Variants in FAM13A observed in about 807,000 individuals in gnomAD.
The protein encoded by FAM13A is protein FAM13A.
In FAM13A, 76 loss-of-function variants were observed where a neutral mutation model predicts 129.6. The ratio of observed to expected loss-of-function variants is 0.59; its 90% CI spans 0.49 to 0.71. FAM13A has a LOEUF of 0.71. FAM13A is among the 30% of genes least tolerant of loss of function. The pLI, the probability that FAM13A is intolerant of heterozygous loss-of-function variation, is 0.00. For missense variants in FAM13A, 1,108 were observed against 1,249.3 expected, an observed-to-expected ratio of 0.89 and a Z score of 1.70; for synonymous variants, 443 against 449.9, an observed-to-expected ratio of 0.98 and a Z score of 0.20.
chr4:88,885,960 C>T (rs562876772), intron 6 of FAM13A, among the ~76,000 whole-genome samples: 103 of 151,536 alleles, frequency 6.8e-4, no homozygotes, highest in African/African-American at 2.1e-3. Context: ...AAAACCACAA[C>T]GTGATACCAC....
intron 4 of FAM13A, among the ~76,000 whole-genome samples, chr4:88,982,980 G>A (rs1047384573): frequency 9.9e-5 from 15 of 152,078 alleles, no homozygotes; most frequent in African/African-American, 3.6e-4. Flanking sequence ...TGATGGAAAT[G>A]GGGTAAGGAG....
intron 3 of FAM13A, among the ~76,000 whole-genome samples, chr4:89,015,125 T>C (rs1256399553): frequency 1.3e-5 from 2 of 152,258 alleles, no homozygotes; most frequent in East Asian, 3.9e-4. Flanking sequence ...CCCAGGCCTA[T>C]TAGGACGAGG....
chr4:89,020,080 T>A (rs762712272), intron 3 of FAM13A, among the ~76,000 whole-genome samples: 37 of 152,258 alleles, frequency 2.4e-4, no homozygotes, highest in African/African-American at 4.1e-4. Context: ...ACTGAAGTAG[T>A]CACATGTTAA....
At chr4:88,909,176 A>C (rs1748630566) in intron 5 of FAM13A, among the ~76,000 whole-genome samples, 1 of 152,216 alleles carries the variant, frequency 6.6e-6, no homozygotes, top group Non-Finnish European at 1.5e-5. Context: ...ATAATAGCCT[A>C]AAAGTGGTGA....
At chr4:88,953,119 T>G (rs1384496696) in intron 4 of FAM13A, among the ~76,000 whole-genome samples, 1 of 152,106 alleles carries the variant, frequency 6.6e-6, no homozygotes, top group East Asian at 1.9e-4. Context: ...AGTACATCCA[T>G]CATCACAATC....
chr4:89,047,153 C>T (rs1234796261), intron 1 of FAM13A, among the ~76,000 whole-genome samples: 1 of 152,010 alleles, frequency 6.6e-6, no homozygotes, highest in Non-Finnish European at 1.5e-5. Context: ...ATACTGTTAT[C>T]GGGGGTGGGG....
intron 3 of FAM13A, chr4:89,009,007 TC>T (rs1353735384): frequency 6.6e-6 from 1 of 152,102 alleles, no homozygotes; most frequent in African/African-American, 2.4e-5. Context: ...CAAATAATCT[TC>T]CTTTGTTAAC....
At chr4:88,739,221 T>G in intron 19 of FAM13A, 96 bp from the exon 20 acceptor site, 1 of 790,716 alleles carries the variant, frequency 1.3e-6, no homozygotes, top group Non-Finnish European at 2.2e-6. Flanking sequence ...CTAGAGAAAC[T>G]CCAGATGATG....
intron 6 of FAM13A, among the ~76,000 whole-genome samples, chr4:88,854,995 A>G (rs761570922): frequency 6.6e-6 from 1 of 152,204 alleles, no homozygotes; most frequent in Non-Finnish European, 1.5e-5. Context: ...CAAGGAGTCA[A>G]GAGCTGTTAT....
intron 21 of FAM13A, 149 bp downstream of exon 21, chr4:88,737,323 G>C: frequency 3.0e-6 from 2 of 672,644 alleles, no homozygotes; most frequent in Non-Finnish European, 5.4e-6. Flanking sequence ...TTCAAAGTTG[G>C]TTATATGTAG....
In FAM13A at chr4:88,768,054, C is replaced by G; in HGVS notation, c.1464G>C (p.Met488Ile). Residue 488 changes from methionine (M) to isoleucine (I), a missense_variant, in exon 12 of 24, where the codon ATG (methionine) becomes ATC (isoleucine). Coordinates refer to ENST00000264344, the MANE Select transcript of FAM13A (RefSeq NM_014883.4). ...LHDNQDGLVNMESLNSTRSHE... is the reference protein window; with the variant it reads ...LHDNQDGLVNIESLNSTRSHE... ...GAGATCGTGTGGAATTGAGACTTTC[C>G]ATATTCTGTAACAGAACCATTATTG... 1 of 1,596,974 alleles carries G rather than the reference C, an allele frequency of 6.3e-7. No homozygotes were observed. Among genetic ancestry groups the G allele is most frequent in the Non-Finnish European group, 8.6e-7 (1 of 1,165,180 alleles).
intron 9 of FAM13A, among the ~76,000 whole-genome samples, chr4:88,789,234 A>C (rs1478111259): frequency 3.3e-5 from 5 of 152,190 alleles, no homozygotes; most frequent in African/African-American, 9.6e-5. Context: ...TTAGGAAATG[A>C]AAAAGGCAAG....
At chr4:88,737,601 C>T in intron 20 of FAM13A, 46 bp from the exon 21 acceptor site, 1 of 1,508,878 alleles carries the variant, frequency 6.6e-7, no homozygotes, top group East Asian at 2.3e-5. Context: ...ACCCCTTTCC[C>T]TTTCCCTCCA....
At chr4:88,791,297 T>A (rs1343517984) in intron 8 of FAM13A, among the ~76,000 whole-genome samples, 2 of 152,162 alleles carry the variant, frequency 1.3e-5, no homozygotes, top group African/African-American at 4.8e-5. Context: ...CCCATTTTTT[T>A]AAAGCCTGAA....
chr4:88,970,542 T>A (rs1759940164), intron 4 of FAM13A, among the ~76,000 whole-genome samples: 1 of 151,420 alleles, frequency 6.6e-6, no homozygotes, highest in Non-Finnish European at 1.5e-5. Context: ...ATCTATATAA[T>A]ACATATCTGA....
chr4:88,931,464 C>T (rs1009890369), intron 5 of FAM13A, among the ~76,000 whole-genome samples: 11 of 152,064 alleles, frequency 7.2e-5, no homozygotes, highest in African/African-American at 2.7e-4. Context: ...CTCAGTCAGT[C>T]CCTGGCCATG....
chr4:88,876,750 C>G (rs1049281624), intron 6 of FAM13A, among the ~76,000 whole-genome samples: 1 of 152,116 alleles, frequency 6.6e-6, no homozygotes, highest in Non-Finnish European at 1.5e-5. Flanking sequence ...TGCCACCACG[C>G]CCAGCTAATT....
At chr4:88,891,186 G>C (rs1185704608) in intron 6 of FAM13A, among the ~76,000 whole-genome samples, 1 of 152,194 alleles carries the variant, frequency 6.6e-6, no homozygotes, top group African/African-American at 2.4e-5. Flanking sequence ...ACATTGAGAG[G>C]CTGAGGCAGG....
At chr4:88,807,176 A>T (rs567980357) in intron 7 of FAM13A, among the ~76,000 whole-genome samples, 5 of 152,304 alleles carry the variant, frequency 3.3e-5, no homozygotes, top group South Asian at 4.1e-4. Context: ...AATTAGCAAT[A>T]TGCTTGATTT....
Sources: allele counts gnomAD v4.1 joint callset (sites outside exome capture counted in the v4.1 genomes callset), GRCh38; gene constraint gnomAD v4.1.1; transcripts MANE v1.5; gene names NCBI Gene and HGNC (gene_info 2026-07-23, HGNC 2026-07-21).